MYBL1: variants seen among roughly 807,000 people sequenced by gnomAD.
MYBL1 encodes the protein MYB proto-oncogene like 1, also known as myb-related protein A.
Under a neutral mutation model 96.3 loss-of-function variants are expected in MYBL1, and 17 were observed. That is an observed-to-expected ratio of 0.18 (90% CI 0.12 to 0.26). MYBL1 has a LOEUF of 0.26. Among genes scored for constraint, MYBL1 ranks in the 10% least tolerant of loss-of-function variants. The probability of loss-of-function intolerance (pLI) is 1.00; values close to 1 mark genes in which losing one functional copy is unlikely to be tolerated. For missense variants in MYBL1, 701 were observed against 882.9 expected, an observed-to-expected ratio of 0.79 and a Z score of 2.61; for synonymous variants, 282 against 292.7, an observed-to-expected ratio of 0.96 and a Z score of 0.37.
At chr8:66,606,794 T>C (rs1046945324) in intron 1 of MYBL1, among the ~76,000 whole-genome samples, 20 of 151,948 alleles carry the variant, frequency 1.3e-4, no homozygotes, top group Non-Finnish European at 2.4e-4. Flanking sequence ...TGGCTGTTTT[T>C]TTTTTTTCTT....
intron 1 of MYBL1, among the ~76,000 whole-genome samples, chr8:66,604,981 G>T (rs1810254926): frequency 6.6e-6 from 1 of 151,992 alleles, no homozygotes; most frequent in African/African-American, 2.4e-5. Context: ...TGGATGTCTG[G>T]AACAGCACTT....
At chr8:66,592,823 TTAAATCTTAA>T (rs1055655178) in intron 7 of MYBL1, among the ~76,000 whole-genome samples, 2 of 152,148 alleles carry the variant, frequency 1.3e-5, no homozygotes, top group African/African-American at 4.8e-5. Flanking sequence ...TTTTATATTT[TTAAATCTTAA>T]TAAATATATT....
At position 66,564,293 on chromosome 8, in the gene MYBL1, A is replaced by C. The variant is rs1181599214; in HGVS notation, c.*404T>G. ...GCACATGGGCAAAAGTACTTCATAA[A>C]ATCATGTGTGCTTTCCATACATAGA... is the stretch of plus-strand genomic sequence containing the variant. On this transcript the variant is annotated 3_prime_UTR_variant, in exon 16 of 16. Coordinates refer to ENST00000522677, the MANE Select transcript of MYBL1 (RefSeq NM_001080416.4). The C allele has an allele frequency of 1.3e-5, 2 of 152,798 alleles. No homozygotes were observed. Among genetic ancestry groups the C allele is most frequent in the Non-Finnish European group, 2.9e-5 (2 of 68,144 alleles). The allele number at this position is 152,798 out of a possible 1,614,324, so 9.5% of individuals were successfully genotyped here. A position where few individuals can be genotyped will look rare whatever the true frequency, so the allele number is the denominator to read the frequency against.
Position 66,601,720 on chromosome 8 carries a change from G to A in MYBL1, c.176C>T (p.Thr59Ile). ...TACTTGAAGATGACTAGCAATTAGA[G>A]TCCAATCATCAGTTCCATGTTGTTC... ...LVEQHGTDDWTLIASHLQNRS... is the reference protein window; with the variant it reads ...LVEQHGTDDWILIASHLQNRS... Residue 59 changes from threonine (T) to isoleucine (I), a missense_variant, in exon 3 of 16, where the codon ACT becomes ATT. Physicochemically the swap from Thr to Ile is moderately conservative, Grantham distance 89. Transcript: ENST00000522677. 1 of 1,520,162 alleles carries A rather than the reference G, an allele frequency of 6.6e-7. No homozygotes were observed. Among genetic ancestry groups the A allele is most frequent in the East Asian group, 2.5e-5 (1 of 40,288 alleles). 94.2% of individuals were successfully genotyped at this position (1,520,162 alleles called of 1,614,324 possible). A position where few individuals can be genotyped will look rare whatever the true frequency, so the allele number is the denominator to read the frequency against.
intron 1 of MYBL1, among the ~76,000 whole-genome samples, chr8:66,611,830 C>T (rs1810542063): frequency 6.6e-6 from 1 of 152,182 alleles, no homozygotes; most frequent in Admixed American, 6.5e-5. Context: ...ACCCCCATTA[C>T]TAAATTTCAA....
At position 66,612,800 on chromosome 8, in the gene MYBL1, C is replaced by T. The variant is rs948683148; in HGVS notation, c.20+19G>A. 7.3e-7 allele frequency: 1 copy of T among 1,362,746 alleles called. No homozygotes were observed. Among genetic ancestry groups the T allele is most frequent in the Non-Finnish European group, 9.5e-7 (1 of 1,049,212 alleles). 84.4% of individuals were successfully genotyped at this position (1,362,746 alleles called of 1,614,324 possible). The stretch of plus-strand genomic sequence containing the variant: ...CCGAGACGGCGCCGACAGGCCTGGG[C>T]GAAAGGGGTGCCACCCACCTGCGCG... On this transcript the variant is annotated intron_variant, in intron 1 of 15. Transcript: ENST00000522677.
In MYBL1 at chr8:66,602,726, TATATA is replaced by T. The variant is rs1344284799; in HGVS notation, c.21-208_21-204del. Among the ~76,000 whole-genome samples, 198 of 50,990 alleles carry T rather than the reference TATATA, an allele frequency of 3.9e-3. 1 individual carries two copies. The highest frequency in any genetic ancestry group is 5.4e-3 in the Non-Finnish European group (144 of 26,844). 33.5% of individuals were successfully genotyped at this position (50,990 alleles called of 152,430 possible). A position where few individuals can be genotyped will look rare whatever the true frequency, so the allele number is the denominator to read the frequency against. On this transcript the variant is annotated intron_variant, in intron 1 of 15. Coordinates refer to ENST00000522677, the MANE Select transcript of MYBL1 (RefSeq NM_001080416.4). ...ATATATATATATATATATATATATA[TATATA>T]TATTTTTTTTTTTTTTTTTTTTTTT...
At chr8:66,595,457 AT>A (rs1157620326) in intron 6 of MYBL1, 125 bp downstream of exon 6, 4 of 445,262 alleles carry the variant, frequency 9.0e-6, no homozygotes, top group Non-Finnish European at 1.5e-5. Flanking sequence ...AAAGTTACAC[AT>A]TTTTTTCAGT....
intron 1 of MYBL1, chr8:66,612,482 C>A: frequency 3.0e-6 from 1 of 329,490 alleles, no homozygotes. Context: ...GTTTTCTCTG[C>A]GTAGCGGACT....
chr8:66,577,620 G>A (rs1809015021), intron 9 of MYBL1, among the ~76,000 whole-genome samples: 1 of 151,992 alleles, frequency 6.6e-6, no homozygotes, highest in Non-Finnish European at 1.5e-5. Context: ...TCATGGGTAG[G>A]AAGAATCAAT....
At chr8:66,576,398 T>A in intron 9 of MYBL1, 23 bp from the exon 10 acceptor site, 1 of 1,575,820 alleles carries the variant, frequency 6.3e-7, no homozygotes, top group Non-Finnish European at 8.6e-7. Flanking sequence ...AAACTGTTAA[T>A]AAAGTTAATG....
At chr8:66,606,067 A>T (rs1810300315) in intron 1 of MYBL1, among the ~76,000 whole-genome samples, 1 of 152,174 alleles carries the variant, frequency 6.6e-6, no homozygotes, top group Non-Finnish European at 1.5e-5. Context: ...ATACTACGAC[A>T]TACTGGAAAA....
intron 5 of MYBL1, among the ~76,000 whole-genome samples, chr8:66,597,106 T>C (rs891018035): frequency 2.0e-5 from 3 of 152,196 alleles, no homozygotes; most frequent in Admixed American, 1.3e-4. Context: ...TCTATCATTT[T>C]ATTGTACAAA....
At position 66,574,590 on chromosome 8, in the gene MYBL1, T is replaced by C. The variant is rs143889020; in HGVS notation, c.1471-1084A>G. Among the ~76,000 whole-genome samples the C allele has an allele frequency of 2.7e-3, 413 of 152,354 alleles. 2 individuals carry two copies. The highest frequency in any genetic ancestry group is 0.01 in the Middle Eastern group (3 of 294). ...ATATCCCAGCATTCTCCATGTTTGT[T>C]TGACCATTAAACTCCCTTCTTCCTC... On this transcript the variant is annotated intron_variant, in intron 10 of 15. Coordinates refer to ENST00000522677, the MANE Select transcript of MYBL1 (RefSeq NM_001080416.4).
At chr8:66,601,359 A>AT (rs1237039455) in intron 3 of MYBL1, among the ~76,000 whole-genome samples, 3 of 152,128 alleles carry the variant, frequency 2.0e-5, no homozygotes, top group East Asian at 3.9e-4. Context: ...GCTTTTCTGG[A>AT]TTTTTTGGTT....
At chr8:66,578,737 C>A (rs1319206769) in intron 9 of MYBL1, among the ~76,000 whole-genome samples, 1 of 152,132 alleles carries the variant, frequency 6.6e-6, no homozygotes, top group African/African-American at 2.4e-5. Flanking sequence ...TGGGTATATA[C>A]CCAAAGGACT....
intron 1 of MYBL1, among the ~76,000 whole-genome samples, chr8:66,603,235 G>T (rs1810177892): frequency 1.3e-5 from 2 of 152,068 alleles, no homozygotes; most frequent in Admixed American, 1.3e-4. Flanking sequence ...AAAAATCAGT[G>T]ACAAGAGTGT....
intron 1 of MYBL1, among the ~76,000 whole-genome samples, chr8:66,608,356 G>A (rs1346295336): frequency 1.3e-5 from 2 of 152,108 alleles, no homozygotes; most frequent in Non-Finnish European, 2.9e-5. Context: ...GTGTGAAGAA[G>A]CAAGTAGAAT....
intron 1 of MYBL1, among the ~76,000 whole-genome samples, chr8:66,610,752 G>A (rs544557414): frequency 1.3e-5 from 2 of 152,082 alleles, no homozygotes; most frequent in South Asian, 2.1e-4. Context: ...TCATATTTAC[G>A]TGGGCAAGAA....
Sources: allele counts gnomAD v4.1 joint callset (sites outside exome capture counted in the v4.1 genomes callset), GRCh38; gene constraint gnomAD v4.1.1; transcripts MANE v1.5; gene names NCBI Gene and HGNC (gene_info 2026-07-23, HGNC 2026-07-21).